The following KHDRBS2 variants were observed in gnomAD, a reference collection of about 807,000 sequenced individuals.
The protein encoded by KHDRBS2 is KH RNA binding domain containing, signal transduction associated 2.
A neutral mutation model predicts 44.3 loss-of-function variants in KHDRBS2; 26 were observed. The ratio of observed to expected loss-of-function variants is 0.59; its 90% confidence interval spans 0.43 to 0.81. The LOEUF is 0.81. Ranked by LOEUF, KHDRBS2 falls within the 40% of genes least tolerant of loss-of-function variation. KHDRBS2 has a pLI of 0.00. For missense variants in KHDRBS2, 476 were observed against 433.1 expected, an observed-to-expected ratio of 1.10 and a Z score of -0.88; for synonymous variants, 194 against 151.1, an observed-to-expected ratio of 1.28 and a Z score of -2.08.
chr6:62,028,705 G>C (rs1285047845), intron 3 of KHDRBS2, among the ~76,000 whole-genome samples: 1 of 152,032 alleles, frequency 6.6e-6, no homozygotes, highest in Non-Finnish European at 1.5e-5. Flanking sequence ...ATGTGGATAT[G>C]TGTGTGAACT....
intron 6 of KHDRBS2, among the ~76,000 whole-genome samples, chr6:61,802,759 G>A (rs984376540): frequency 3.3e-5 from 5 of 152,084 alleles, no homozygotes; most frequent in African/African-American, 1.2e-4. Context: ...TACAGTTTGT[G>A]GCCTCAGGCC....
intron 7 of KHDRBS2, among the ~76,000 whole-genome samples, chr6:61,711,925 T>G (rs1032730856): frequency 3.3e-5 from 5 of 151,784 alleles, no homozygotes; most frequent in Admixed American, 6.6e-5. Flanking sequence ...AATAAGAAAT[T>G]ACTTAGCTCA....
chr6:61,975,786 G>A (rs1290823289), intron 4 of KHDRBS2, among the ~76,000 whole-genome samples: 1 of 152,110 alleles, frequency 6.6e-6, no homozygotes, highest in African/African-American at 2.4e-5. Context: ...AGAGTGGTTA[G>A]TGATACTACG....
intron 3 of KHDRBS2, among the ~76,000 whole-genome samples, chr6:62,025,376 A>C (rs1783102638): frequency 6.6e-6 from 1 of 151,720 alleles, no homozygotes; most frequent in South Asian, 2.1e-4. Context: ...AAAACTTTAA[A>C]GATATTGGTG....
chr6:62,225,170 T>C (rs572905522), intron 1 of KHDRBS2, among the ~76,000 whole-genome samples: 12 of 152,180 alleles, frequency 7.9e-5, no homozygotes, highest in Non-Finnish European at 1.5e-4. Flanking sequence ...ATGATCTAGC[T>C]CAGCATGTCA....
intron 1 of KHDRBS2, among the ~76,000 whole-genome samples, chr6:62,274,842 C>T (rs977831218): frequency 3.3e-5 from 5 of 152,110 alleles, no homozygotes; most frequent in African/African-American, 1.2e-4. Flanking sequence ...ATGAAAAACA[C>T]AAACAATAAG....
In KHDRBS2 at chr6:61,951,479, C is replaced by T. The variant is rs554462510; in HGVS notation, c.483+26587G>A. On this transcript the variant is annotated intron_variant, in intron 4 of 8. Transcript: ENST00000281156. ...TGTACCAGAAATTCTAGTATCATTG[C>T]TACCTTCATTATCATAAACATTTCT... 9.5e-4 allele frequency among the ~76,000 whole-genome samples: 145 copies of T among 152,012 alleles called. 1 individual carries two copies. Among genetic ancestry groups the T allele is most frequent in the Non-Finnish European group, 2.6e-4 (18 of 67,930 alleles).
chr6:61,764,558 A>G (rs576701760), intron 6 of KHDRBS2, among the ~76,000 whole-genome samples: 1 of 152,240 alleles, frequency 6.6e-6, no homozygotes, highest in Admixed American at 6.5e-5. Flanking sequence ...TGACATTTTA[A>G]TAATTGCCAT....
chr6:61,848,532 C>CATATATACGTATAT (rs1794886511), intron 6 of KHDRBS2, among the ~76,000 whole-genome samples: 18 of 28,208 alleles, frequency 6.4e-4, no homozygotes, highest in African/African-American at 3.8e-3. Context: ...TATATATATA[C>CATATATACGTATAT]ATATATATGT....
chr6:62,268,618 C>T (rs544841969), intron 1 of KHDRBS2, among the ~76,000 whole-genome samples: 3 of 151,832 alleles, frequency 2.0e-5, no homozygotes, highest in Non-Finnish European at 4.4e-5. Context: ...GTGTAAAAAC[C>T]ATACAACATA....
chr6:61,707,336 G>A (rs1337709226), intron 7 of KHDRBS2, among the ~76,000 whole-genome samples: 2 of 151,716 alleles, frequency 1.3e-5, no homozygotes, highest in African/African-American at 2.4e-5. Flanking sequence ...TCACTTGGCT[G>A]TCTATCTTCT....
chr6:61,872,533 A>T (rs1385353834), intron 6 of KHDRBS2, among the ~76,000 whole-genome samples: 1 of 152,268 alleles, frequency 6.6e-6, no homozygotes, highest in South Asian at 2.1e-4. Flanking sequence ...AGTAACATAA[A>T]TATAGGACAC....
intron 2 of KHDRBS2, among the ~76,000 whole-genome samples, chr6:62,155,242 C>T (rs1816097713): frequency 6.6e-6 from 1 of 151,968 alleles, no homozygotes; most frequent in South Asian, 2.1e-4. Flanking sequence ...CCAATTCTGA[C>T]TATATAACAA....
intron 1 of KHDRBS2, among the ~76,000 whole-genome samples, chr6:62,212,035 C>T (rs893405994): frequency 6.6e-6 from 1 of 152,064 alleles, no homozygotes; most frequent in Non-Finnish European, 1.5e-5. Context: ...AGGCCATTAT[C>T]CTTAGCAAAC....
intron 3 of KHDRBS2, among the ~76,000 whole-genome samples, chr6:61,994,371 G>C (rs928738789): frequency 6.6e-6 from 1 of 152,182 alleles, no homozygotes; most frequent in South Asian, 2.1e-4. Flanking sequence ...TCCAGACTCA[G>C]ACTGGTAAGA....
In KHDRBS2 at chr6:61,843,341, T is replaced by TTTATTATTATTATTA. The variant is rs70993183; in HGVS notation, c.810+51279_810+51293dup. ...GGCATGGTATATGAATTATATCTAT[T>TTTATTATTATTATTA]TTATTATTATTATTATTATTATTAT... On this transcript the variant is annotated intron_variant, in intron 6 of 8. Transcript: ENST00000281156. Among the ~76,000 whole-genome samples, 1,361 of 143,352 alleles carry TTTATTATTATTATTA rather than the reference T, an allele frequency of 9.5e-3. 16 individuals carry two copies. The highest frequency in any genetic ancestry group is 0.031 in the African/African-American group (1,209 of 38,710). 94.0% of individuals were successfully genotyped at this position (143,352 alleles called of 152,430 possible). A position where few individuals can be genotyped will look rare whatever the true frequency, so the allele number is the denominator to read the frequency against.
chr6:61,836,524 G>A (rs559544813), intron 6 of KHDRBS2, among the ~76,000 whole-genome samples: 1 of 151,986 alleles, frequency 6.6e-6, no homozygotes. Context: ...CATTTTTAAT[G>A]CTTCCAATAA....
the KHDRBS2 span, among the ~76,000 whole-genome samples, chr6:61,573,605 C>T: frequency 4.6e-5 from 7 of 152,096 alleles, no homozygotes; most frequent in Admixed American, 1.3e-4. Flanking sequence ...GCCTAACCAA[C>T]ATGGAGAAAC....
chr6:62,082,376 C>A (rs539144825), intron 2 of KHDRBS2, among the ~76,000 whole-genome samples: 70 of 150,512 alleles, frequency 4.7e-4, no homozygotes, highest in Non-Finnish European at 1.2e-4. Flanking sequence ...AGAAGAATTC[C>A]TAGGAATATT....
Sources: gnomAD v4.1 joint callset for allele counts (sites outside exome capture counted in the v4.1 genomes callset) on GRCh38, gnomAD v4.1.1 for gene constraint, MANE v1.5 for transcripts, NCBI Gene and HGNC (gene_info 2026-07-23, HGNC 2026-07-21) for gene names.